Variants in PTPN14 observed in about 807,000 individuals in gnomAD.
PTPN14 encodes the protein protein tyrosine phosphatase non-receptor type 14.
A neutral mutation model predicts 126.8 loss-of-function variants in PTPN14; 53 were observed. The ratio of observed to expected loss-of-function variants is 0.42; its 90% confidence interval spans 0.34 to 0.53. PTPN14 has a LOEUF of 0.53. Ranked by LOEUF, PTPN14 falls within the 20% of genes least tolerant of loss-of-function variation. PTPN14 has a pLI of 0.08. For missense variants in PTPN14, 1,257 were observed against 1,552.9 expected (o/e 0.81, Z 3.20); for synonymous variants, 630 against 599.3 (o/e 1.05, Z -0.75).
intron 1 of PTPN14, among the ~76,000 whole-genome samples, chr1:214,479,357 T>C (rs1433686476): frequency 3.3e-5 from 5 of 151,150 alleles, no homozygotes; most frequent in African/African-American, 1.2e-4. Context: ...TTTTTTTTTT[T>C]GAGATGGAGT....
At chr1:214,538,872 GGAT>G (rs1655772012) in intron 1 of PTPN14, among the ~76,000 whole-genome samples, 1 of 152,106 alleles carries the variant, frequency 6.6e-6, no homozygotes, top group Admixed American at 6.5e-5. Context: ...TTTCTTTGAA[GGAT>G]GAGATTCTCA....
At chr1:214,451,689 C>G in intron 3 of PTPN14, 116 bp downstream of exon 3, 1 of 1,231,352 alleles carries the variant, frequency 8.1e-7, no homozygotes, top group East Asian at 2.5e-5. Flanking sequence ...CTCTCCCCCA[C>G]CACACACCCG....
At chr1:214,362,052 AG>A (rs1657968557) in intron 18 of PTPN14, among the ~76,000 whole-genome samples, 1 of 129,740 alleles carries the variant, frequency 7.7e-6, no homozygotes, top group African/African-American at 3.1e-5. Flanking sequence ...GAAAGAAGGC[AG>A]GGGAGTTTGG....
chr1:214,541,291 A>G (rs1168511186), intron 1 of PTPN14, among the ~76,000 whole-genome samples: 1 of 152,194 alleles, frequency 6.6e-6, no homozygotes, highest in Admixed American at 6.5e-5. Flanking sequence ...TAACAGCATA[A>G]GTCAAAGCAA....
At chr1:214,376,770 T>A (rs961893841) in intron 14 of PTPN14, among the ~76,000 whole-genome samples, 1 of 152,194 alleles carries the variant, frequency 6.6e-6, no homozygotes, top group African/African-American at 2.4e-5. Flanking sequence ...TTCCTCCACC[T>A]ATATAGCTGT....
At chr1:214,535,740 T>A (rs888847637) in intron 1 of PTPN14, among the ~76,000 whole-genome samples, 53 of 151,198 alleles carry the variant, frequency 3.5e-4, no homozygotes, top group Non-Finnish European at 1.5e-4. Flanking sequence ...GATCATGCCA[T>A]TGCACTCCAG....
At chr1:214,391,260 T>C (rs1477154651) in intron 10 of PTPN14, among the ~76,000 whole-genome samples, 2 of 152,152 alleles carry the variant, frequency 1.3e-5, no homozygotes, top group African/African-American at 2.4e-5. Flanking sequence ...ACTTTTAGAA[T>C]AAATTTTACA....
At chr1:214,433,922 C>CA (rs1659848491) in intron 3 of PTPN14, among the ~76,000 whole-genome samples, 1 of 123,788 alleles carries the variant, frequency 8.1e-6, no homozygotes, top group Admixed American at 8.3e-5. Flanking sequence ...GACATTATTT[C>CA]CACACACACA....
chr1:214,429,936 C>A (rs1177914168), intron 3 of PTPN14, among the ~76,000 whole-genome samples: 1 of 152,056 alleles, frequency 6.6e-6, no homozygotes, highest in Non-Finnish European at 1.5e-5. Flanking sequence ...TCCTTAATGA[C>A]CTCATCAGAT....
intron 13 of PTPN14, among the ~76,000 whole-genome samples, chr1:214,379,316 G>A (rs573842235): frequency 6.6e-6 from 1 of 152,268 alleles, no homozygotes; most frequent in Admixed American, 6.5e-5. Flanking sequence ...TCCCCAGGAA[G>A]AGGTCTTGAC....
At chr1:214,401,647 T>C in intron 7 of PTPN14, 38 bp downstream of exon 7, 2 of 1,474,760 alleles carry the variant, frequency 1.4e-6, no homozygotes, top group East Asian at 2.4e-5. Flanking sequence ...AGTACCGGTC[T>C]GAGAAGGTTA....
intron 3 of PTPN14, among the ~76,000 whole-genome samples, chr1:214,437,200 C>T (rs575317856): frequency 6.6e-6 from 1 of 152,068 alleles, no homozygotes; most frequent in South Asian, 2.1e-4. Flanking sequence ...ATTATTTCAT[C>T]TTACACTTAC....
chr1:214,365,827 G>T (rs1269345059), intron 17 of PTPN14, among the ~76,000 whole-genome samples: 3 of 152,124 alleles, frequency 2.0e-5, no homozygotes, highest in Non-Finnish European at 4.4e-5. Context: ...AGTCATAGCA[G>T]TACTACTAGT....
chr1:214,436,786 CAAAAAAAAAAAA>C (rs1159209240), intron 3 of PTPN14, among the ~76,000 whole-genome samples: 1 of 46,642 alleles, frequency 2.1e-5, no homozygotes, highest in African/African-American at 7.7e-5. Context: ...GACTCCGTCT[CAAAAAAAAAAAA>C]AAAAAAAAAA....
chr1:214,534,832 G>C (rs1655662591), intron 1 of PTPN14, among the ~76,000 whole-genome samples: 1 of 152,174 alleles, frequency 6.6e-6, no homozygotes, highest in African/African-American at 2.4e-5. Context: ...CATGTGGGAT[G>C]AGTGGAAGTC....
chr1:214,445,901 T>A (rs920732222), intron 3 of PTPN14, among the ~76,000 whole-genome samples: 5 of 152,198 alleles, frequency 3.3e-5, no homozygotes, highest in African/African-American at 9.7e-5. Flanking sequence ...CCTGTTGCTA[T>A]GCAAATCATT....
At chr1:214,475,047 C>T (rs1401810604) in intron 1 of PTPN14, among the ~76,000 whole-genome samples, 2 of 152,150 alleles carry the variant, frequency 1.3e-5, no homozygotes, top group African/African-American at 4.8e-5. Flanking sequence ...AGATGAGGCA[C>T]CACTATGAGT....
chr1:214,489,354 C>T (rs1342476624), intron 1 of PTPN14, among the ~76,000 whole-genome samples: 1 of 152,154 alleles, frequency 6.6e-6, no homozygotes, highest in Non-Finnish European at 1.5e-5. Context: ...GTACCATGCC[C>T]TCTCCCCTTG....
intron 1 of PTPN14, among the ~76,000 whole-genome samples, chr1:214,483,567 T>C (rs949023249): frequency 6.6e-6 from 1 of 152,338 alleles, no homozygotes; most frequent in African/African-American, 2.4e-5. Context: ...TACTCTGTTA[T>C]GCTATTTACA....
Sources: gnomAD v4.1 joint callset for allele counts (sites outside exome capture counted in the v4.1 genomes callset) on GRCh38, gnomAD v4.1.1 for gene constraint, MANE v1.5 for transcripts, NCBI Gene and HGNC (gene_info 2026-07-23, HGNC 2026-07-21) for gene names.